BTAF1: variants seen among roughly 807,000 people sequenced by gnomAD.
BTAF1 encodes the protein TATA-binding protein-associated factor 172.
BTAF1 carries 38 observed loss-of-function variants against 227.1 expected under a neutral mutation model. The observed-to-expected ratio is 0.17, with a 90% CI of 0.13 to 0.22. The LOEUF (loss-of-function observed/expected upper bound fraction) is 0.22. BTAF1 is among the 10% of genes least tolerant of loss of function. The probability of loss-of-function intolerance (pLI) is 1.00; values close to 1 mark genes in which losing one functional copy is unlikely to be tolerated. For missense variants in BTAF1, 1,598 were observed against 2,204.0 expected (o/e 0.73, Z 5.51); for synonymous variants, 742 against 751.9 (o/e 0.99, Z 0.21).
chr10:92,018,616 T>C (rs1850900740), intron 33 of BTAF1, among the ~76,000 whole-genome samples, 167 bp from the exon 34 acceptor site: 1 of 152,156 alleles, frequency 6.6e-6, no homozygotes, highest in Non-Finnish European at 1.5e-5. Context: ...GAATCTCAAA[T>C]GAGACATTTG....
chr10:92,015,306 T>C (rs540632174), intron 32 of BTAF1, among the ~76,000 whole-genome samples: 1 of 152,292 alleles, frequency 6.6e-6, no homozygotes, highest in Admixed American at 6.5e-5. Context: ...ATGTTCTAGG[T>C]TTGTATGTGT....
At chr10:91,939,855 T>TA in intron 2 of BTAF1, 97 bp from the exon 3 acceptor site, 1 of 673,382 alleles carries the variant, frequency 1.5e-6, no homozygotes, top group South Asian at 2.2e-5. Flanking sequence ...GCTGCCAAAT[T>TA]ACACATTAAT....
At chr10:91,960,470 A>G (rs967740443) in intron 11 of BTAF1, among the ~76,000 whole-genome samples, 5 of 152,144 alleles carry the variant, frequency 3.3e-5, no homozygotes, top group Non-Finnish European at 7.4e-5. Context: ...TATTGAATAC[A>G]TGCTCTGAGG....
In BTAF1 at chr10:91,923,989, G is replaced by GGCCTGC. The variant is rs1843653721; in HGVS notation, c.-84_-79dup. The GGCCTGC allele has an allele frequency of 6.6e-7, 1 of 1,524,162 alleles. No individual in the cohort carries two copies. Among genetic ancestry groups the GGCCTGC allele is most frequent in the Non-Finnish European group, 8.8e-7 (1 of 1,136,560 alleles). 94.4% of individuals were successfully genotyped at this position (1,524,162 alleles called of 1,614,324 possible). ...CCGCTCCCCTGTGCTCCGCGGCCTG[G>GGCCTGC]GCCTGCGCCGCTCAGCTCTCTGGAA... On this transcript the variant is annotated 5_prime_UTR_variant, in exon 1 of 38. Coordinates refer to ENST00000265990, the MANE Select transcript of BTAF1 (RefSeq NM_003972.3).
rs1422983658 is a variant in BTAF1 at position 91,982,342 on chromosome 10, C to CT, written c.2048+118dup. 6 of 1,391,346 alleles carry CT rather than the reference C, an allele frequency of 4.3e-6. No individual in the cohort carries two copies. In the African/African-American group the frequency reaches 7.2e-5, roughly 17 times the overall value. The allele number at this position is 1,391,346 out of a possible 1,614,324, so 86.2% of individuals were successfully genotyped here. On this transcript the variant is annotated intron_variant, in intron 17 of 37. Transcript: ENST00000265990. The stretch of plus-strand genomic sequence containing the variant: ...ATCAGTCCTTCCTTCCTTCATCACA[C>CT]TAATTATAGCCTAAGGAAAAATTAG...
Position 92,029,159 on chromosome 10 carries a change from T to C in BTAF1, c.*226T>C. The C allele has an allele frequency of 2.5e-6, 1 of 402,708 alleles. No individual in the cohort carries two copies. Among genetic ancestry groups the C allele is most frequent in the East Asian group, 4.9e-5 (1 of 20,428 alleles). 24.9% of individuals were successfully genotyped at this position (402,708 alleles called of 1,614,324 possible). On this transcript the variant is annotated 3_prime_UTR_variant, in exon 38 of 38. Transcript: ENST00000265990. ...GTGAAATGGTTTAAATTTTACATGC[T>C]GAAAAGCTGCAGAGCAGAGGAACCA... is the stretch of plus-strand genomic sequence containing the variant.
intron 14 of BTAF1, among the ~76,000 whole-genome samples, chr10:91,968,681 C>T (rs957164648): frequency 1.3e-5 from 2 of 152,172 alleles, no homozygotes; most frequent in Admixed American, 6.5e-5. Flanking sequence ...GTTCCTATTG[C>T]TTTACATTCT....
At chr10:91,970,862 T>C (rs1480973756) in intron 14 of BTAF1, among the ~76,000 whole-genome samples, 3 of 152,216 alleles carry the variant, frequency 2.0e-5, no homozygotes, top group African/African-American at 7.2e-5. Context: ...TCAGGAAGAT[T>C]AGGTGATGTG....
At chr10:91,958,696 C>A (rs1307928062) in intron 8 of BTAF1, among the ~76,000 whole-genome samples, 1 of 152,088 alleles carries the variant, frequency 6.6e-6, no homozygotes, top group Non-Finnish European at 1.5e-5. Flanking sequence ...GAGTGAGACT[C>A]CATCTCGAAA....
Position 92,027,311 on chromosome 10 carries a change from TA to T in BTAF1, c.5406+12del, listed in dbSNP as rs754772126. ...TTTACTCTTGATAAGGTAAAGAACT[TA>T]CACAATTTGTTGTATCTTTGAGTCA... On this transcript the variant is annotated intron_variant, in intron 37 of 37. Transcript: ENST00000265990. The T allele has an allele frequency of 5.0e-6, 8 of 1,587,054 alleles. No individual in the cohort carries two copies. The highest frequency in any genetic ancestry group is 6.8e-6 in the Non-Finnish European group (8 of 1,170,368).
intron 24 of BTAF1, chr10:91,997,198 G>A: frequency 8.0e-7 from 1 of 1,243,630 alleles, no homozygotes; most frequent in Non-Finnish European, 1.1e-6. Flanking sequence ...GCTGGTGATT[G>A]TCAAGATCCT....
chr10:91,979,402 T>A (rs1406237516), intron 14 of BTAF1, among the ~76,000 whole-genome samples: 1 of 152,172 alleles, frequency 6.6e-6, no homozygotes, highest in Non-Finnish European at 1.5e-5. Context: ...ATGTGGCCCT[T>A]TTAAAACTTG....
intron 1 of BTAF1, among the ~76,000 whole-genome samples, chr10:91,924,449 A>G (rs111874902): frequency 1.3e-5 from 2 of 152,160 alleles, no homozygotes; most frequent in African/African-American, 4.8e-5. Context: ...TTTCATGGGA[A>G]AACTTGGTAG....
chr10:91,993,958 C>T, intron 22 of BTAF1, 111 bp downstream of exon 22: 1 of 791,214 alleles, frequency 1.3e-6, no homozygotes, highest in South Asian at 4.8e-5. Context: ...TTATTCCAGA[C>T]CAGCTGGTAA....
intron 34 of BTAF1, among the ~76,000 whole-genome samples, chr10:92,023,844 G>A (rs577506473): frequency 2.6e-4 from 39 of 152,226 alleles, no homozygotes; most frequent in Middle Eastern, 6.8e-3. Flanking sequence ...ATGTTGGCCC[G>A]GCTGGTCTCG....
At chr10:91,981,430 TA>T (rs1404083421) in intron 15 of BTAF1, among the ~76,000 whole-genome samples, 4 of 151,646 alleles carry the variant, frequency 2.6e-5, no homozygotes, top group Admixed American at 2.0e-4. Context: ...GTTCTTTTTT[TA>T]AAAAAAAACT....
intron 33 of BTAF1, among the ~76,000 whole-genome samples, chr10:92,017,321 A>G (rs1850807053): frequency 6.6e-6 from 1 of 152,298 alleles, no homozygotes; most frequent in African/African-American, 2.4e-5. Flanking sequence ...GAGGATACAA[A>G]AAGTACAGAA....
chr10:91,991,873 C>T (rs1727177785), intron 20 of BTAF1, among the ~76,000 whole-genome samples: 1 of 149,774 alleles, frequency 6.7e-6, no homozygotes, highest in South Asian at 2.1e-4. Flanking sequence ...ACTGAAGTCA[C>T]AATAATTTTT....
In BTAF1 at chr10:91,959,835, T is replaced by G; in HGVS notation, c.1041T>G (p.Leu347=). 1 of 1,608,912 alleles carries G rather than the reference T, an allele frequency of 6.2e-7. No individual in the cohort carries two copies. The highest frequency in any genetic ancestry group is 8.5e-7 in the Non-Finnish European group (1 of 1,178,088). The change falls in exon 10 of 38, where the codon CTT becomes CTG. Residue 347 remains leucine, a synonymous_variant. Coordinates refer to ENST00000265990, the MANE Select transcript of BTAF1 (RefSeq NM_003972.3). The stretch of plus-strand genomic sequence containing the variant: ...TGGAAGACTTGGTTATTAGACTCCT[T>G]TGTGTTTTTGCATTAGACAGATTTG... The part of the protein sequence containing the change: ...EWLEDLVIRL[L]CVFALDRFGD...
Sources: gnomAD v4.1 joint callset for allele counts (sites outside exome capture counted in the v4.1 genomes callset) on GRCh38, gnomAD v4.1.1 for gene constraint, MANE v1.5 for transcripts, NCBI Gene and HGNC (gene_info 2026-07-23, HGNC 2026-07-21) for gene names.